The following ASIC2 variants were observed in gnomAD, a reference collection of about 807,000 sequenced individuals.
The protein encoded by ASIC2 is acid sensing ion channel subunit 2.
Under a neutral mutation model 57.3 loss-of-function variants are expected in ASIC2, and 25 were observed. The ratio of observed to expected loss-of-function variants is 0.44; its 90% CI spans 0.32 to 0.61. ASIC2 has a LOEUF of 0.61. ASIC2 is among the 20% of genes least tolerant of loss of function. The pLI is 0.06. For missense variants in ASIC2, 641 were observed against 738.1 expected (o/e 0.87, Z 1.52); for synonymous variants, 319 against 307.5 (o/e 1.04, Z -0.39).
intron 1 of ASIC2, chr17:34,039,470 C>A: frequency 1.2e-6 from 2 of 1,613,696 alleles, no homozygotes; most frequent in South Asian, 2.2e-5. Flanking sequence ...TCCTTTGCAG[C>A]ACTGCCATCT....
intron 1 of ASIC2, among the ~76,000 whole-genome samples, chr17:33,859,742 G>A (rs1008096206): frequency 1.3e-5 from 2 of 152,186 alleles, no homozygotes; most frequent in Non-Finnish European, 2.9e-5. Context: ...GTGCAGTGGT[G>A]TGATCATGGC....
intron 1 of ASIC2, among the ~76,000 whole-genome samples, chr17:33,779,259 TAA>T (rs1911376635): frequency 6.6e-6 from 1 of 152,094 alleles, no homozygotes. Flanking sequence ...AAAAAAAGAT[TAA>T]CTCTGCCTGG....
At chr17:34,130,938 G>A (rs1032481239) in intron 1 of ASIC2, among the ~76,000 whole-genome samples, 2 of 152,236 alleles carry the variant, frequency 1.3e-5, no homozygotes, top group African/African-American at 4.8e-5. Flanking sequence ...AAGTATTTAA[G>A]GAATGAGTAC....
intron 1 of ASIC2, among the ~76,000 whole-genome samples, chr17:33,244,005 A>G (rs1211730326): frequency 6.6e-6 from 1 of 152,212 alleles, no homozygotes; most frequent in Non-Finnish European, 1.5e-5. Flanking sequence ...ATCTCCCAGA[A>G]ACCCCTTGTC....
At chr17:33,234,342 T>C (rs1023224257) in intron 1 of ASIC2, among the ~76,000 whole-genome samples, 1 of 152,108 alleles carries the variant, frequency 6.6e-6, no homozygotes, top group Admixed American at 6.5e-5. Context: ...GGAAAAGCCG[T>C]GGATATGTGG....
chr17:33,719,059 C>T (rs1034093315), intron 1 of ASIC2, among the ~76,000 whole-genome samples: 2 of 152,104 alleles, frequency 1.3e-5, no homozygotes, highest in African/African-American at 4.8e-5. Flanking sequence ...CCTGGCTGCC[C>T]GGGGGATAGG....
chr17:33,714,167 A>C (rs1909138541), intron 1 of ASIC2, among the ~76,000 whole-genome samples: 1 of 152,216 alleles, frequency 6.6e-6, no homozygotes. Flanking sequence ...GTAATATGTA[A>C]AACAATTTAA....
intron 1 of ASIC2, among the ~76,000 whole-genome samples, chr17:33,855,449 A>G: frequency 6.6e-6 from 1 of 152,176 alleles, no homozygotes; most frequent in South Asian, 2.1e-4. Flanking sequence ...TAAACCCCAT[A>G]TGGTTGTTTT....
chr17:33,223,986 G>A (rs1246715547), intron 1 of ASIC2, among the ~76,000 whole-genome samples: 1 of 152,174 alleles, frequency 6.6e-6, no homozygotes, highest in Non-Finnish European at 1.5e-5. Flanking sequence ...AGAAAGGACA[G>A]GGATCTGCAG....
intron 1 of ASIC2, among the ~76,000 whole-genome samples, chr17:33,787,285 G>A (rs559913933): frequency 1.3e-5 from 2 of 152,350 alleles, no homozygotes; most frequent in East Asian, 1.9e-4. Context: ...GGCAGTCTTT[G>A]TTACTGGATA....
chr17:33,723,895 A>G (rs1266943012), intron 1 of ASIC2, among the ~76,000 whole-genome samples: 1 of 152,228 alleles, frequency 6.6e-6, no homozygotes, highest in Non-Finnish European at 1.5e-5. Context: ...AACAACAAAA[A>G]TAAAGAATTT....
At position 33,745,936 on chromosome 17, in the gene ASIC2, T is replaced by C. The variant is rs570979285; in HGVS notation, c.555+410042A>G. Among the ~76,000 whole-genome samples, 91 of 152,236 alleles carry C rather than the reference T, an allele frequency of 6.0e-4. 1 individual carries two copies. In the South Asian group the frequency reaches 0.018, roughly 30 times the overall value. ...CACGTTTCTTCTTTCTTCTCTTAAC[T>C]GATTTAAAAACAAATTGTATAAAAC... is the stretch of plus-strand genomic sequence containing the variant. On this transcript the variant is annotated intron_variant, in intron 1 of 9. Coordinates refer to the ASIC2 transcript ENST00000359872.
intron 1 of ASIC2, among the ~76,000 whole-genome samples, chr17:33,228,806 T>C (rs1053643115): frequency 9.2e-5 from 14 of 152,164 alleles, no homozygotes; most frequent in African/African-American, 3.1e-4. Flanking sequence ...GCTCTTTCCA[T>C]TACCCCACCC....
At chr17:33,185,579 G>A (rs916689092) in intron 1 of ASIC2, among the ~76,000 whole-genome samples, 2 of 152,226 alleles carry the variant, frequency 1.3e-5, no homozygotes, top group South Asian at 2.1e-4. Flanking sequence ...TAGCTGAGCT[G>A]GCAGTCTTCC....
intron 1 of ASIC2, among the ~76,000 whole-genome samples, chr17:33,376,690 T>G (rs1436286808): frequency 6.6e-6 from 1 of 152,188 alleles, no homozygotes; most frequent in Non-Finnish European, 1.5e-5. Flanking sequence ...TCTTGACCAT[T>G]TCACTACCCT....
At chr17:33,372,075 C>T (rs1909089437) in intron 1 of ASIC2, among the ~76,000 whole-genome samples, 1 of 152,000 alleles carries the variant, frequency 6.6e-6, no homozygotes, top group Non-Finnish European at 1.5e-5. Flanking sequence ...TCCCCCAGAC[C>T]CTCTCTGCCT....
chr17:33,251,575 G>T (rs1329866546), intron 1 of ASIC2, among the ~76,000 whole-genome samples: 1 of 152,140 alleles, frequency 6.6e-6, no homozygotes, highest in Admixed American at 6.5e-5. Flanking sequence ...TCATCCTACC[G>T]CTGTGGGCTC....
chr17:33,339,427 T>C (rs1171171457), intron 1 of ASIC2, among the ~76,000 whole-genome samples: 1 of 152,238 alleles, frequency 6.6e-6, no homozygotes, highest in African/African-American at 2.4e-5. Flanking sequence ...TGTGTTCTAA[T>C]AAAGCTTTAT....
At chr17:33,914,288 T>C (rs1176369231) in intron 1 of ASIC2, among the ~76,000 whole-genome samples, 5 of 152,200 alleles carry the variant, frequency 3.3e-5, no homozygotes, top group African/African-American at 9.7e-5. Context: ...AAGTTGGCCC[T>C]GTAGGGTGGT....
Sources: allele counts gnomAD v4.1 joint callset (sites outside exome capture counted in the v4.1 genomes callset), GRCh38; gene constraint gnomAD v4.1.1; transcripts MANE v1.5; gene names NCBI Gene and HGNC (gene_info 2026-07-23, HGNC 2026-07-21).